The following UNC5C variants were observed in gnomAD, a reference collection of about 807,000 sequenced individuals.
UNC5C encodes unc-5 netrin receptor C, also known as netrin receptor UNC5C.
Under a neutral mutation model 99.8 loss-of-function variants are expected in UNC5C, and 47 were observed. The observed-to-expected ratio is 0.47, with a 90% confidence interval of 0.37 to 0.60. UNC5C has a LOEUF of 0.60. Ranked by LOEUF, UNC5C falls within the 20% of genes least tolerant of loss-of-function variation. The pLI is 0.00. For synonymous variants in UNC5C, 487 were observed against 452.2 expected, an observed-to-expected ratio of 1.08 and a Z score of -0.98; for missense variants, 1,062 against 1,165.9, an observed-to-expected ratio of 0.91 and a Z score of 1.30.
chr4:95,208,833 T>C (rs1737972332), intron 10 of UNC5C, among the ~76,000 whole-genome samples: 1 of 152,256 alleles, frequency 6.6e-6, no homozygotes, highest in South Asian at 2.1e-4. Context: ...AATGGATTTT[T>C]CTCTAGTTTT....
intron 12 of UNC5C, among the ~76,000 whole-genome samples, chr4:95,195,946 T>C (rs1451948989): frequency 6.6e-6 from 1 of 152,078 alleles, no homozygotes; most frequent in East Asian, 1.9e-4. Flanking sequence ...TTATTTGATT[T>C]ATATCACAAA....
At chr4:95,228,659 T>A (rs1394069477) in intron 7 of UNC5C, among the ~76,000 whole-genome samples, 2 of 152,162 alleles carry the variant, frequency 1.3e-5, no homozygotes, top group African/African-American at 4.8e-5. Context: ...ATGTGAGCAA[T>A]AATTAGTAGA....
At chr4:95,419,152 A>G (rs1479423609) in intron 1 of UNC5C, among the ~76,000 whole-genome samples, 2 of 152,298 alleles carry the variant, frequency 1.3e-5, no homozygotes, top group African/African-American at 4.8e-5. Flanking sequence ...GTGTTAAATG[A>G]TGGGTGGAGA....
At chr4:95,353,179 T>TAAAAATGC (rs1351694585) in intron 1 of UNC5C, among the ~76,000 whole-genome samples, 1 of 152,174 alleles carries the variant, frequency 6.6e-6, no homozygotes, top group African/African-American at 2.4e-5. Flanking sequence ...TCTTCAACTG[T>TAAAAATGC]AAAAATGCTT....
chr4:95,409,951 C>T (rs934088056), intron 1 of UNC5C, among the ~76,000 whole-genome samples: 17 of 152,136 alleles, frequency 1.1e-4, no homozygotes, highest in African/African-American at 3.4e-4. Flanking sequence ...GCTGACTTAA[C>T]GTTAAACCAA....
chr4:95,194,244 A>G (rs923155311), intron 12 of UNC5C, among the ~76,000 whole-genome samples: 4 of 152,100 alleles, frequency 2.6e-5, no homozygotes, highest in African/African-American at 7.2e-5. Context: ...TCTCACATCT[A>G]TGTATTAGGA....
At chr4:95,401,264 A>G (rs1204969675) in intron 1 of UNC5C, among the ~76,000 whole-genome samples, 1 of 152,014 alleles carries the variant, frequency 6.6e-6, no homozygotes, top group East Asian at 1.9e-4. Context: ...AAAACATAGG[A>G]GCTAATAATG....
chr4:95,212,795 T>A (rs1738117984), intron 10 of UNC5C, among the ~76,000 whole-genome samples: 1 of 152,208 alleles, frequency 6.6e-6, no homozygotes, highest in East Asian at 1.9e-4. Flanking sequence ...TTGAATCTAT[T>A]CTGTGTGTTC....
intron 1 of UNC5C, among the ~76,000 whole-genome samples, chr4:95,349,400 A>T (rs1249281992): frequency 7.1e-6 from 1 of 141,764 alleles, no homozygotes; most frequent in Non-Finnish European, 1.6e-5. Context: ...ACACACACAC[A>T]CACATTACAA....
At chr4:95,227,653 A>G (rs888787180) in intron 7 of UNC5C, among the ~76,000 whole-genome samples, 5 of 152,224 alleles carry the variant, frequency 3.3e-5, no homozygotes, top group African/African-American at 9.6e-5. Flanking sequence ...TAATTGCTCA[A>G]AACATTATCT....
chr4:95,210,146 C>A (rs956582502), intron 10 of UNC5C, among the ~76,000 whole-genome samples: 5 of 151,858 alleles, frequency 3.3e-5, no homozygotes, highest in African/African-American at 9.7e-5. Context: ...CCCTGGCATG[C>A]AATATTGATG....
intron 1 of UNC5C, among the ~76,000 whole-genome samples, chr4:95,348,977 G>A (rs1317407853): frequency 7.5e-6 from 1 of 133,810 alleles, no homozygotes; most frequent in Non-Finnish European, 1.6e-5. Context: ...GGGAAGGGTA[G>A]TGAGAGGGAG....
intron 3 of UNC5C, among the ~76,000 whole-genome samples, chr4:95,290,928 G>T (rs1419908703): frequency 6.6e-6 from 1 of 152,008 alleles, no homozygotes; most frequent in African/African-American, 2.4e-5. Flanking sequence ...TTCTTCAGTC[G>T]TGCCAAGCCC....
At chr4:95,482,535 T>C (rs1230943752) in intron 1 of UNC5C, among the ~76,000 whole-genome samples, 8,424 of 148,194 alleles carry the variant, frequency 0.057, 377 homozygotes, top group African/African-American at 0.16. Context: ...CTATAAATCA[T>C]GCTGCTATAA....
intron 14 of UNC5C, among the ~76,000 whole-genome samples, chr4:95,174,621 T>A (rs923931240): frequency 2.0e-5 from 3 of 151,924 alleles, no homozygotes; most frequent in Admixed American, 1.3e-4. Context: ...TTTGTTATAA[T>A]TTCTGTTCAT....
Position 95,176,910 on chromosome 4 carries a change from A to C in UNC5C, c.2451+5987T>G, listed in dbSNP as rs573548473. On this transcript the variant is annotated intron_variant, in intron 14 of 15. Coordinates refer to ENST00000453304, the MANE Select transcript of UNC5C (RefSeq NM_003728.4). ...ATCAGCGAGACTCTGTGGGCGTAGG[A>C]CCCTCCGAGCCAGGTGCGGGATATA... Among the ~76,000 whole-genome samples, 460 of 151,958 alleles carry C rather than the reference A, an allele frequency of 3.0e-3. 1 individual carries two copies. The highest frequency in any genetic ancestry group is 0.01 in the African/African-American group (423 of 41,486).
chr4:95,407,169 A>G (rs183076928), intron 1 of UNC5C, among the ~76,000 whole-genome samples: 96 of 152,332 alleles, frequency 6.3e-4, no homozygotes, highest in African/African-American at 2.1e-3. Flanking sequence ...AGTTATTAAA[A>G]GCTAAAGTTT....
intron 1 of UNC5C, among the ~76,000 whole-genome samples, chr4:95,464,764 G>A (rs1026988362): frequency 6.6e-6 from 1 of 151,980 alleles, no homozygotes; most frequent in Non-Finnish European, 1.5e-5. Context: ...GTTTCTAATA[G>A]GCTTTTGTTT....
At chr4:95,230,765 G>A (rs775523716) in intron 7 of UNC5C, among the ~76,000 whole-genome samples, 2 of 151,428 alleles carry the variant, frequency 1.3e-5, no homozygotes, top group African/African-American at 2.4e-5. Flanking sequence ...TCCTGCATGA[G>A]AACAGGCTTA....
Sources: allele counts gnomAD v4.1 joint callset (sites outside exome capture counted in the v4.1 genomes callset), GRCh38; gene constraint gnomAD v4.1.1; transcripts MANE v1.5; gene names NCBI Gene and HGNC (gene_info 2026-07-23, HGNC 2026-07-21).